The following OSBPL6 variants were observed in gnomAD, a reference collection of about 807,000 sequenced individuals.
OSBPL6 encodes the protein oxysterol-binding protein-related protein 6.
In OSBPL6, 49 loss-of-function variants were observed where a neutral mutation model predicts 125.8. The observed-to-expected ratio is 0.39, with a 90% CI of 0.31 to 0.49. The LOEUF is 0.49. Among genes scored for constraint, OSBPL6 ranks in the 20% least tolerant of loss-of-function variants. The probability of loss-of-function intolerance (pLI) is 0.88; values close to 1 mark genes in which losing one functional copy is unlikely to be tolerated. For synonymous variants in OSBPL6, 394 were observed against 391.8 expected (o/e 1.01, Z -0.07); for missense variants, 986 against 1,135.4 (o/e 0.87, Z 1.89).
rs554600472 is a variant in OSBPL6, at chr2:178,399,611, G to A, written c.*4052G>A. On this transcript the variant is annotated 3_prime_UTR_variant, in exon 25 of 25. Transcript: ENST00000190611. ...ACATCTTAAGCAAATGAAGCTTCAT[G>A]ATTAAGGCAGCTTACAGATAAGTGG... The A allele has an allele frequency of 2.6e-5, 4 of 152,344 alleles. No homozygotes were observed. Among genetic ancestry groups the A allele is most frequent in the African/African-American group, 7.2e-5 (3 of 41,588 alleles). The allele number at this position is 152,344 out of a possible 1,614,324, so 9.4% of individuals were successfully genotyped here.
At chr2:178,255,523 A>G (rs558510569) in intron 1 of OSBPL6, among the ~76,000 whole-genome samples, 74 of 152,300 alleles carry the variant, frequency 4.9e-4, no homozygotes, top group Admixed American at 5.9e-4. Context: ...TTGGGTGGGG[A>G]CACAGCCAAA....
At chr2:178,333,796 T>C (rs778965147) in intron 8 of OSBPL6, among the ~76,000 whole-genome samples, 19 of 152,202 alleles carry the variant, frequency 1.2e-4, no homozygotes, top group Non-Finnish European at 1.9e-4. Flanking sequence ...TAATTACATG[T>C]GAGCTCAAGA....
intron 1 of OSBPL6, among the ~76,000 whole-genome samples, chr2:178,275,525 A>C (rs540042038): frequency 6.6e-6 from 1 of 152,142 alleles, no homozygotes; most frequent in Middle Eastern, 3.4e-3. Flanking sequence ...AATGATAATA[A>C]TAATAATAAT....
intron 1 of OSBPL6, among the ~76,000 whole-genome samples, chr2:178,283,177 A>G (rs905825087): frequency 6.6e-6 from 1 of 152,192 alleles, no homozygotes; most frequent in African/African-American, 2.4e-5. Context: ...CTTACAACAC[A>G]GTAGAATTTT....
chr2:178,344,476 T>C, intron 11 of OSBPL6: 1 of 946,426 alleles, frequency 1.1e-6, no homozygotes, highest in Non-Finnish European at 1.6e-6. Flanking sequence ...TGTAGCCCAA[T>C]CATGGCAGCA....
chr2:178,315,950 C>G (rs778578945), intron 3 of OSBPL6, among the ~76,000 whole-genome samples: 2 of 152,190 alleles, frequency 1.3e-5, no homozygotes, highest in Non-Finnish European at 2.9e-5. Flanking sequence ...GTCTACAAAA[C>G]TGCTTTATTT....
intron 2 of OSBPL6, among the ~76,000 whole-genome samples, chr2:178,286,635 G>A (rs1305784252): frequency 6.6e-6 from 1 of 152,126 alleles, no homozygotes; most frequent in African/African-American, 2.4e-5. Flanking sequence ...GATGTGGAGG[G>A]TGTCATCTCA....
chr2:178,194,932 C>A (rs2088775663), intron 1 of OSBPL6, among the ~76,000 whole-genome samples: 2 of 152,150 alleles, frequency 1.3e-5, no homozygotes, highest in Admixed American at 1.3e-4. Context: ...GTATCGCGGT[C>A]CCGGTTTGCC....
chr2:178,384,147 G>A lies in OSBPL6; in HGVS notation c.1984G>A (p.Asp662Asn), dbSNP rs1694730202. 8 of 1,614,084 alleles carry A rather than the reference G, an allele frequency of 5.0e-6. No homozygotes were observed. The highest frequency in any genetic ancestry group is 6.8e-6 in the Non-Finnish European group (8 of 1,179,936). ...LGETYECIRE[D>N]KGFRFFSEQV... ...GGAGACTTATGAATGCATTAGAGAA[G>A]ACAAGGGATTCCGCTTTTTCTCAGA... is the stretch of plus-strand genomic sequence containing the variant. Residue 662 changes from aspartate (D) to asparagine (N), a missense_variant, in exon 18 of 25, where the codon GAC becomes AAC. Asp to Asn is a conservative substitution (Grantham distance 23). This residue lies in a region of OSBPL6 where 843 missense variants were observed against 997.3 expected (regional missense o/e 0.85). Transcript: ENST00000190611.
intron 4 of OSBPL6, among the ~76,000 whole-genome samples, chr2:178,324,793 T>G (rs1286404000): frequency 1.3e-5 from 2 of 152,134 alleles, no homozygotes; most frequent in Non-Finnish European, 2.9e-5. Flanking sequence ...AAAACATAAA[T>G]AAATAAGTAA....
chr2:178,347,781 C>G lies in OSBPL6; in HGVS notation c.988-1443C>G. On this transcript the variant is annotated intron_variant, in intron 11 of 24. Coordinates refer to ENST00000190611, the MANE Select transcript of OSBPL6 (RefSeq NM_032523.4). ...TAAACAAGCTGTTTAACAATCATCTCCCAGCCCAGTGTAGCCAAGTTCTCC... is the reference window on the plus strand; with the variant it reads ...TAAACAAGCTGTTTAACAATCATCTGCCAGCCCAGTGTAGCCAAGTTCTCC... 1.3e-5 allele frequency among the ~76,000 whole-genome samples: 2 copies of G among 152,150 alleles called. 1 individual carries two copies. The highest frequency in any genetic ancestry group is 1.3e-4 in the Admixed American group (2 of 15,270).
rs116807811 is a variant in OSBPL6 at position 178,205,342 on chromosome 2, G to C, written c.-351+10668G>C. Among the ~76,000 whole-genome samples, 669 of 152,276 alleles carry C rather than the reference G, an allele frequency of 4.4e-3. 6 individuals are homozygous for C. Among genetic ancestry groups the C allele is most frequent in the African/African-American group, 0.016 (651 of 41,556 alleles). On this transcript the variant is annotated intron_variant, in intron 1 of 24. Coordinates refer to ENST00000190611, the MANE Select transcript of OSBPL6 (RefSeq NM_032523.4). ...AGCGGCCTTCAGTTCTCTATGGTGT[G>C]GACAATGGCTGTAATGGCCTTAAAG... is the stretch of plus-strand genomic sequence containing the variant.
At chr2:178,324,312 T>A in intron 4 of OSBPL6, 43 bp downstream of exon 4, 1 of 1,359,120 alleles carries the variant, frequency 7.4e-7, no homozygotes, top group Non-Finnish European at 1.0e-6. Context: ...GCATGATGCC[T>A]GCTCTGGGGC....
chr2:178,355,904 T>G (rs1691738557), intron 12 of OSBPL6, among the ~76,000 whole-genome samples: 1 of 152,230 alleles, frequency 6.6e-6, no homozygotes, highest in Non-Finnish European at 1.5e-5. Context: ...CAAGTCAGCT[T>G]CATCCCTGGG....
At chr2:178,347,168 A>G (rs994279351) in intron 11 of OSBPL6, among the ~76,000 whole-genome samples, 4 of 152,130 alleles carry the variant, frequency 2.6e-5, no homozygotes, top group Non-Finnish European at 5.9e-5. Context: ...CTGGGTTTTC[A>G]CTGCATAATG....
chr2:178,359,318 C>G (rs551583763), intron 12 of OSBPL6, among the ~76,000 whole-genome samples: 2 of 152,300 alleles, frequency 1.3e-5, no homozygotes, highest in African/African-American at 2.4e-5. Context: ...ATCAGCATCA[C>G]TAATCATTAG....
At chr2:178,313,545 G>A (rs1687480462) in intron 3 of OSBPL6, among the ~76,000 whole-genome samples, 1 of 152,084 alleles carries the variant, frequency 6.6e-6, no homozygotes, top group South Asian at 2.1e-4. Flanking sequence ...ATGACTCAAA[G>A]TTTGCTGAAG....
intron 1 of OSBPL6, among the ~76,000 whole-genome samples, chr2:178,218,947 T>C (rs1464593362): frequency 6.6e-6 from 1 of 152,130 alleles, no homozygotes; most frequent in Non-Finnish European, 1.5e-5. Context: ...TCCTTTTTAT[T>C]AGACCTGAAT....
chr2:178,268,219 T>TTACAG (rs2092293905), intron 1 of OSBPL6, among the ~76,000 whole-genome samples: 1 of 151,960 alleles, frequency 6.6e-6, no homozygotes. Flanking sequence ...GTAGCTGGGA[T>TTACAG]TACAGGCACC....
Sources: gnomAD v4.1 joint callset for allele counts (sites outside exome capture counted in the v4.1 genomes callset) on GRCh38, gnomAD v4.1.1 for gene constraint, gnomAD v4.1.1 regional missense constraint, MANE v1.5 for transcripts, NCBI Gene and HGNC (gene_info 2026-07-23, HGNC 2026-07-21) for gene names.